The following RAD51B variants were observed in gnomAD, a reference collection of about 807,000 sequenced individuals.
RAD51B encodes RAD51 paralog B, also known as DNA repair protein RAD51 homolog 2.
Under a neutral mutation model 42.2 loss-of-function variants are expected in RAD51B, and 38 were observed. That is an observed-to-expected ratio of 0.90 (90% CI 0.70 to 1.18). The LOEUF is 1.18. Among genes scored for constraint, RAD51B ranks in the 50% most tolerant of loss-of-function variants. RAD51B has a pLI of 0.00. For synonymous variants in RAD51B, 154 were observed against 145.2 expected (o/e 1.06, Z -0.43); for missense variants, 373 against 400.7 (o/e 0.93, Z 0.59).
chr14:68,655,266 GT>G (rs1304117651), intron 11 of RAD51B, among the ~76,000 whole-genome samples: 2 of 152,036 alleles, frequency 1.3e-5, no homozygotes, highest in African/African-American at 2.4e-5. Flanking sequence ...CTATCTCTTG[GT>G]TTCTGATTCA....
intron 10 of RAD51B, among the ~76,000 whole-genome samples, chr14:68,621,838 C>T (rs746702674): frequency 1.1e-4 from 17 of 152,306 alleles, no homozygotes; most frequent in East Asian, 1.9e-4. Context: ...TCAGTGGTGA[C>T]GTGGGTTCTG....
chr14:68,270,481 A>G (rs998689355), intron 7 of RAD51B, among the ~76,000 whole-genome samples: 4 of 152,196 alleles, frequency 2.6e-5, no homozygotes, highest in African/African-American at 9.7e-5. Flanking sequence ...TTTACTCAGA[A>G]TAGTCTAGGC....
intron 7 of RAD51B, among the ~76,000 whole-genome samples, chr14:67,915,858 T>C (rs1002215834): frequency 1.3e-5 from 2 of 152,234 alleles, no homozygotes; most frequent in Non-Finnish European, 2.9e-5. Context: ...TTTTCCTCCC[T>C]AGCTCTTATT....
chr14:68,199,211 A>G (rs577611065), intron 7 of RAD51B, among the ~76,000 whole-genome samples: 2 of 152,248 alleles, frequency 1.3e-5, no homozygotes, highest in South Asian at 2.1e-4. Flanking sequence ...CAACACTCCA[A>G]CTGTGTCCAG....
chr14:68,259,479 A>G (rs1480003194), intron 7 of RAD51B, among the ~76,000 whole-genome samples: 1 of 152,172 alleles, frequency 6.6e-6, no homozygotes, highest in Non-Finnish European at 1.5e-5. Flanking sequence ...AAATAAACAT[A>G]AAAAAATAAA....
At chr14:68,457,945 A>G (rs2085744970) in intron 9 of RAD51B, among the ~76,000 whole-genome samples, 1 of 151,060 alleles carries the variant, frequency 6.6e-6, no homozygotes, top group Non-Finnish European at 1.5e-5. Flanking sequence ...AACCACATGT[A>G]AAGTTCACTG....
chr14:68,453,608 G>C (rs966406399), intron 9 of RAD51B, among the ~76,000 whole-genome samples: 1 of 152,110 alleles, frequency 6.6e-6, no homozygotes, highest in African/African-American at 2.4e-5. Flanking sequence ...CAAAGCATAG[G>C]ACAAAAATGG....
At chr14:68,181,510 C>T (rs188384167) in intron 7 of RAD51B, among the ~76,000 whole-genome samples, 2 of 152,334 alleles carry the variant, frequency 1.3e-5, no homozygotes, top group Non-Finnish European at 1.5e-5. Context: ...TTTCTGCCCA[C>T]ATTTGGTAAT....
intron 8 of RAD51B, among the ~76,000 whole-genome samples, chr14:68,310,325 T>C (rs7148073): frequency 0.56 from 85,529 of 152,054 alleles, 24,919 homozygotes; most frequent in South Asian, 0.67. Flanking sequence ...GTTTTCCCCT[T>C]AGGCATCCAA....
At chr14:67,925,385 G>T (rs1354767620) in intron 7 of RAD51B, among the ~76,000 whole-genome samples, 1 of 152,014 alleles carries the variant, frequency 6.6e-6, no homozygotes, top group East Asian at 1.9e-4. Context: ...CAATTCTCCT[G>T]CCTCAGCCTC....
chr14:67,864,886 G>A lies in RAD51B; in HGVS notation c.316-117G>A, dbSNP rs1404325895. 7.2e-6 allele frequency: 10 copies of A among 1,394,898 alleles called. No homozygotes were observed. In the Admixed American group the frequency reaches 1.7e-4, roughly 23 times the overall value. The allele number at this position is 1,394,898 out of a possible 1,614,324, so 86.4% of individuals were successfully genotyped here. A position where few individuals can be genotyped will look rare whatever the true frequency, so the allele number is the denominator to read the frequency against. On this transcript the variant is annotated intron_variant, in intron 4 of 10. Coordinates refer to ENST00000471583, the MANE Select transcript of RAD51B (RefSeq NM_133510.4). ...GCTTAATTCTCTCCTGGGAACCCAGGTTAGTTGGACTGCATATATGGCAAA... is the reference window on the plus strand; with the variant it reads ...GCTTAATTCTCTCCTGGGAACCCAGATTAGTTGGACTGCATATATGGCAAA...
At chr14:68,516,608 G>A (rs1886172933) in intron 10 of RAD51B, among the ~76,000 whole-genome samples, 1 of 152,202 alleles carries the variant, frequency 6.6e-6, no homozygotes, top group South Asian at 2.1e-4. Flanking sequence ...TCAACCAATA[G>A]TAGATTACTA....
At chr14:68,196,926 G>C (rs1308501653) in intron 7 of RAD51B, among the ~76,000 whole-genome samples, 1 of 152,144 alleles carries the variant, frequency 6.6e-6, no homozygotes, top group Non-Finnish European at 1.5e-5. Flanking sequence ...GTATCTAAAA[G>C]ACAAAACAGG....
chr14:67,875,570 C>T lies in RAD51B; in HGVS notation c.453-10299C>T, dbSNP rs576730977. The stretch of plus-strand genomic sequence containing the variant: ...TTACAATTGCCTACAATATTCAGTA[C>T]AGTAACACTCTGCACAGGTTTGTAG... On this transcript the variant is annotated intron_variant, in intron 5 of 10. Coordinates refer to ENST00000471583, the MANE Select transcript of RAD51B (RefSeq NM_133510.4). Among the ~76,000 whole-genome samples the T allele has an allele frequency of 1.4e-4, 21 of 152,262 alleles. No homozygotes were observed. The South Asian group carries it at 3.9e-3, about 29-fold the overall frequency.
At chr14:68,271,655 T>C (rs1443636860) in intron 7 of RAD51B, among the ~76,000 whole-genome samples, 2 of 152,222 alleles carry the variant, frequency 1.3e-5, no homozygotes, top group Non-Finnish European at 2.9e-5. Context: ...GCTCATTTTC[T>C]TTACCTGTCA....
intron 7 of RAD51B, among the ~76,000 whole-genome samples, chr14:68,217,873 T>C (rs2079848505): frequency 6.6e-6 from 1 of 152,220 alleles, no homozygotes; most frequent in Non-Finnish European, 1.5e-5. Context: ...CTTTGTATAA[T>C]TTAGCAAAGC....
At chr14:68,425,071 G>A (rs2084800957) in intron 9 of RAD51B, among the ~76,000 whole-genome samples, 2 of 152,266 alleles carry the variant, frequency 1.3e-5, no homozygotes, top group South Asian at 4.1e-4. Flanking sequence ...CACAGCACCT[G>A]GCCTATACCT....
intron 7 of RAD51B, among the ~76,000 whole-genome samples, chr14:67,991,798 G>T (rs1341771110): frequency 6.6e-6 from 1 of 152,104 alleles, no homozygotes; most frequent in Non-Finnish European, 1.5e-5. Flanking sequence ...ACATAGGAGT[G>T]CAGATATCTC....
At chr14:68,486,271 T>C (rs1300425286) in intron 10 of RAD51B, among the ~76,000 whole-genome samples, 2 of 152,168 alleles carry the variant, frequency 1.3e-5, no homozygotes, top group Non-Finnish European at 2.9e-5. Flanking sequence ...CCTATGATAG[T>C]TTTTCCAAAC....
Sources: allele counts gnomAD v4.1 joint callset (sites outside exome capture counted in the v4.1 genomes callset), GRCh38; gene constraint gnomAD v4.1.1; transcripts MANE v1.5; gene names NCBI Gene and HGNC (gene_info 2026-07-23, HGNC 2026-07-21).